The following ZNF804B variants were observed in gnomAD, a reference collection of about 807,000 sequenced individuals.
The protein encoded by ZNF804B is zinc finger 804B.
Under a neutral mutation model 101.4 loss-of-function variants are expected in ZNF804B, and 80 were observed. The ratio of observed to expected loss-of-function variants is 0.79; its 90% CI spans 0.66 to 0.95. ZNF804B has a LOEUF of 0.95. Ranked by LOEUF, ZNF804B falls within the 40% of genes least tolerant of loss-of-function variation. ZNF804B has a pLI of 0.00. For synonymous variants in ZNF804B, 622 were observed against 558.8 expected (o/e 1.11, Z -1.59); for missense variants, 1,673 against 1,561.9 (o/e 1.07, Z -1.20).
At chr7:88,787,734 A>G (rs1304110014) in intron 1 of ZNF804B, among the ~76,000 whole-genome samples, 1 of 152,150 alleles carries the variant, frequency 6.6e-6, no homozygotes, top group Non-Finnish European at 1.5e-5. Context: ...GAAACAAATT[A>G]CACTTCTAAA....
intron 1 of ZNF804B, among the ~76,000 whole-genome samples, chr7:89,088,558 G>A (rs908531753): frequency 2.7e-5 from 4 of 149,730 alleles, no homozygotes; most frequent in Admixed American, 1.3e-4. Context: ...TTTATTCATC[G>A]CCCTAGGTCC....
chr7:89,313,207 G>A (rs951102026), intron 2 of ZNF804B, among the ~76,000 whole-genome samples: 2 of 151,834 alleles, frequency 1.3e-5, no homozygotes, highest in African/African-American at 4.8e-5. Flanking sequence ...CATTTGGTGT[G>A]GATCAAGTCA....
chr7:89,324,428 A>C (rs1367666344), intron 2 of ZNF804B, among the ~76,000 whole-genome samples: 2 of 151,866 alleles, frequency 1.3e-5, no homozygotes, highest in Non-Finnish European at 2.9e-5. Context: ...CCTCATTTTT[A>C]AAAAAGCTTG....
At chr7:88,829,682 T>C (rs1473657693) in intron 1 of ZNF804B, among the ~76,000 whole-genome samples, 1 of 152,166 alleles carries the variant, frequency 6.6e-6, no homozygotes, top group Non-Finnish European at 1.5e-5. Flanking sequence ...TGATGTGATT[T>C]GTATTTATGT....
At chr7:89,262,990 C>T (rs769697928) in intron 2 of ZNF804B, among the ~76,000 whole-genome samples, 8 of 148,636 alleles carry the variant, frequency 5.4e-5, no homozygotes, top group East Asian at 1.9e-4. Context: ...TTGTCCTGTA[C>T]GACTATCTCC....
intron 1 of ZNF804B, among the ~76,000 whole-genome samples, chr7:88,865,044 CAT>C (rs1158368675): frequency 5.3e-5 from 8 of 151,718 alleles, no homozygotes; most frequent in Non-Finnish European, 1.0e-4. Context: ...CCCAGACTAA[CAT>C]AGAGAAACCC....
intron 2 of ZNF804B, among the ~76,000 whole-genome samples, chr7:89,271,362 A>G (rs1038021643): frequency 6.6e-6 from 1 of 152,058 alleles, no homozygotes; most frequent in African/African-American, 2.4e-5. Flanking sequence ...TATATGCTGG[A>G]TTACGTTTAT....
intron 1 of ZNF804B, among the ~76,000 whole-genome samples, chr7:89,169,304 G>C (rs560217800): frequency 9.2e-5 from 14 of 152,268 alleles, no homozygotes; most frequent in South Asian, 8.3e-4. Context: ...GGGACCCAAG[G>C]GGGTTGCCAC....
intron 1 of ZNF804B, among the ~76,000 whole-genome samples, chr7:89,193,099 G>T (rs1007081810): frequency 6.6e-6 from 1 of 152,040 alleles, no homozygotes; most frequent in Admixed American, 6.6e-5. Flanking sequence ...AGACAGGGAT[G>T]CCCTCTTTCA....
At chr7:89,185,227 A>G (rs1477606691) in intron 1 of ZNF804B, among the ~76,000 whole-genome samples, 1 of 152,224 alleles carries the variant, frequency 6.6e-6, no homozygotes, top group Admixed American at 6.5e-5. Context: ...GAGTCCATTA[A>G]ACACATGGCT....
intron 1 of ZNF804B, among the ~76,000 whole-genome samples, chr7:88,863,456 G>A (rs886405653): frequency 6.6e-6 from 1 of 152,146 alleles, no homozygotes; most frequent in East Asian, 1.9e-4. Flanking sequence ...AGACACTGGA[G>A]TTACATGGTC....
At chr7:89,298,617 A>G (rs1350659718) in intron 2 of ZNF804B, among the ~76,000 whole-genome samples, 1 of 151,918 alleles carries the variant, frequency 6.6e-6, no homozygotes, top group East Asian at 1.9e-4. Context: ...ATAATTAATT[A>G]TCTATATATG....
chr7:89,182,960 A>G (rs182589251), intron 1 of ZNF804B, among the ~76,000 whole-genome samples: 11 of 152,344 alleles, frequency 7.2e-5, no homozygotes, highest in African/African-American at 9.6e-5. Context: ...CAATAAATTT[A>G]TACTAAAGAC....
chr7:89,212,771 A>G (rs564319949), intron 1 of ZNF804B, among the ~76,000 whole-genome samples: 4 of 152,162 alleles, frequency 2.6e-5, no homozygotes, highest in Non-Finnish European at 5.9e-5. Context: ...AAATTTATCT[A>G]GAAAAGGGTA....
At chr7:88,830,620 G>A (rs1791118317) in intron 1 of ZNF804B, among the ~76,000 whole-genome samples, 2 of 151,908 alleles carry the variant, frequency 1.3e-5, no homozygotes, top group East Asian at 3.9e-4. Flanking sequence ...TTCTTCCAAT[G>A]ATAACATTTT....
At chr7:89,185,241 G>A (rs923157785) in intron 1 of ZNF804B, among the ~76,000 whole-genome samples, 1 of 152,178 alleles carries the variant, frequency 6.6e-6, no homozygotes, top group Non-Finnish European at 1.5e-5. Flanking sequence ...CATGGCTGAA[G>A]CTATAAACTT....
chr7:88,777,419 T>C (rs1301253959), intron 1 of ZNF804B, among the ~76,000 whole-genome samples: 1 of 152,230 alleles, frequency 6.6e-6, no homozygotes, highest in African/African-American at 2.4e-5. Flanking sequence ...GGATCTGGAA[T>C]AGGTACTTTA....
chr7:89,311,315 G>GT (rs1790646561), intron 2 of ZNF804B, among the ~76,000 whole-genome samples: 1 of 152,110 alleles, frequency 6.6e-6, no homozygotes, highest in East Asian at 1.9e-4. Flanking sequence ...GAGAATATAC[G>GT]TAACATTCAA....
At chr7:89,320,444 G>C (rs1247172980) in intron 2 of ZNF804B, among the ~76,000 whole-genome samples, 2 of 152,002 alleles carry the variant, frequency 1.3e-5, no homozygotes, top group Admixed American at 6.6e-5. Flanking sequence ...CAATGAACTT[G>C]AATCCATGCT....
Sources: gnomAD v4.1 joint callset for allele counts (sites outside exome capture counted in the v4.1 genomes callset) on GRCh38, gnomAD v4.1.1 for gene constraint, MANE v1.5 for transcripts, NCBI Gene and HGNC (gene_info 2026-07-23, HGNC 2026-07-21) for gene names.